Variants in MIA2 observed in about 807,000 individuals in gnomAD.
The protein encoded by MIA2 is melanoma inhibitory activity protein 2.
Under a neutral mutation model 167.8 loss-of-function variants are expected in MIA2, and 127 were observed. The ratio of observed to expected loss-of-function variants is 0.76; its 90% CI spans 0.66 to 0.88. MIA2 has a LOEUF of 0.88. MIA2 is among the 40% of genes least tolerant of loss of function. The probability of loss-of-function intolerance (pLI) is 0.00; values close to 1 mark genes in which losing one functional copy is unlikely to be tolerated. For missense variants in MIA2, 1,690 were observed against 1,624.7 expected, an observed-to-expected ratio of 1.04 and a Z score of -0.69; for synonymous variants, 552 against 541.9, an observed-to-expected ratio of 1.02 and a Z score of -0.26.
intron 14 of MIA2, among the ~76,000 whole-genome samples, chr14:39,300,553 C>T (rs576411085): frequency 1.0e-3 from 157 of 150,808 alleles, no homozygotes; most frequent in African/African-American, 3.6e-3. Flanking sequence ...CTATAATTTA[C>T]ACAGTGATGT....
intron 3 of MIA2, among the ~76,000 whole-genome samples, chr14:39,243,444 G>C (rs775610387): frequency 4.6e-5 from 7 of 152,168 alleles, no homozygotes; most frequent in Non-Finnish European, 1.0e-4. Context: ...CAGTTTCCCT[G>C]GAGGATTCAA....
intron 24 of MIA2, among the ~76,000 whole-genome samples, chr14:39,323,171 T>A (rs1401277993): frequency 6.6e-6 from 1 of 152,186 alleles, no homozygotes; most frequent in East Asian, 1.9e-4. Context: ...CCTTTGCCCA[T>A]ATCCTGTTTG....
In MIA2 at chr14:39,281,598, T is replaced by C. The variant is rs114876867; in HGVS notation, c.2130+2061T>C. The stretch of plus-strand genomic sequence containing the variant: ...TCCATTTACACATTATGCTCTCTTA[T>C]TTTTGTTTTGTTTTGTTTTGGTTTT... On this transcript the variant is annotated intron_variant, in intron 9 of 28. Coordinates refer to ENST00000640607, the MANE Select transcript of MIA2 (RefSeq NM_001329214.4). 6.0e-3 allele frequency among the ~76,000 whole-genome samples: 908 copies of C among 151,306 alleles called. 10 individuals carry two copies. Among genetic ancestry groups the C allele is most frequent in the African/African-American group, 0.021 (868 of 41,008 alleles).
At chr14:39,317,393 G>A (rs538384846) in intron 21 of MIA2, among the ~76,000 whole-genome samples, 1 of 152,222 alleles carries the variant, frequency 6.6e-6, no homozygotes, top group South Asian at 2.1e-4. Flanking sequence ...TGGTAACAGA[G>A]TTTAACTTGT....
chr14:39,345,035 CAGAG>C lies in MIA2; in HGVS notation c.3656-864_3656-861del, dbSNP rs201140823. Among the ~76,000 whole-genome samples, 626 of 151,962 alleles carry C rather than the reference CAGAG, an allele frequency of 4.1e-3. 5 individuals carry two copies. The highest frequency in any genetic ancestry group is 0.014 in the South Asian group (69 of 4,788). On this transcript the variant is annotated intron_variant, in intron 25 of 28. Transcript: ENST00000640607. ...CAGCAGTGGTACTCATCTGTTGAGT[CAGAG>C]AGAGCTTTCCATTTAGTTTGTTTTT...
At chr14:39,259,053 G>A (rs1188774026) in intron 6 of MIA2, among the ~76,000 whole-genome samples, 3 of 152,224 alleles carry the variant, frequency 2.0e-5, no homozygotes, top group Non-Finnish European at 4.4e-5. Context: ...AGGAGGCGCG[G>A]GGGTCAGGAA....
chr14:39,252,291 T>C (rs2054615537), intron 4 of MIA2, among the ~76,000 whole-genome samples: 1 of 152,104 alleles, frequency 6.6e-6, no homozygotes, highest in South Asian at 2.1e-4. Context: ...CTAATATAAT[T>C]ACAAGGCTAC....
Position 39,233,922 on chromosome 14 carries a change from GAC to G in MIA2, c.-191_-190del, listed in dbSNP as rs2053622516. ...TACCTGACACTGCAGATTGAAAACA[GAC>G]AGTGTTTGTCTCTCAAGTTAAACCA... On this transcript the variant is annotated 5_prime_UTR_variant, in exon 1 of 29. Coordinates refer to ENST00000640607, the MANE Select transcript of MIA2 (RefSeq NM_001329214.4). The G allele has an allele frequency of 4.4e-6, 2 of 458,976 alleles. No homozygotes were observed. Among genetic ancestry groups the G allele is most frequent in the African/African-American group, 4.0e-5 (2 of 49,394 alleles). The allele number at this position is 458,976 out of a possible 1,614,324, so 28.4% of individuals were successfully genotyped here.
At chr14:39,364,836 T>A (rs2074781846) in intron 23 of MIA2, among the ~76,000 whole-genome samples, 1 of 142,820 alleles carries the variant, frequency 7.0e-6, no homozygotes, top group South Asian at 2.2e-4. Context: ...TGATGGGGAT[T>A]CCCTTTTATG....
intron 3 of MIA2, 100 bp downstream of exon 3, chr14:39,240,747 T>C: frequency 1.4e-6 from 1 of 705,046 alleles, no homozygotes; most frequent in Non-Finnish European, 2.4e-6. Flanking sequence ...CCTTTTATAG[T>C]AAATGCATAA....
At position 39,247,577 on chromosome 14, in the gene MIA2, A is replaced by T. The variant is rs764020286; in HGVS notation, c.1003A>T (p.Asn335Tyr). ...GCTTGAATTAATAGCTGAAGAAAGC[A>T]ATCCACCACTACAAGATTTTCCCAA... ...TGLELIAEES[N>Y]PPLQDFPNSI... is the part of the protein sequence containing the mutation. Residue 335 changes from asparagine (N) to tyrosine (Y), a missense_variant, in exon 4 of 29, where the codon AAT becomes TAT. Physicochemically the swap from Asn to Tyr is moderately radical, Grantham distance 143 (BLOSUM62 -2). Coordinates refer to ENST00000640607, the MANE Select transcript of MIA2 (RefSeq NM_001329214.4). The T allele has an allele frequency of 6.2e-7, 1 of 1,614,110 alleles. No homozygotes were observed. Among genetic ancestry groups the T allele is most frequent in the South Asian group, 1.1e-5 (1 of 91,078 alleles).
chr14:39,353,692 G>A (rs898558764), downstream of MIA2, among the ~76,000 whole-genome samples: 4 of 151,934 alleles, frequency 2.6e-5, no homozygotes, highest in Non-Finnish European at 5.9e-5. Flanking sequence ...TTTACATTAA[G>A]TGTATCTCCT....
intron 25 of MIA2, among the ~76,000 whole-genome samples, chr14:39,329,209 T>A (rs1223734977): frequency 6.6e-6 from 1 of 152,198 alleles, no homozygotes; most frequent in African/African-American, 2.4e-5. Context: ...TTCCTAGATA[T>A]TTTATTCTCT....
At chr14:39,277,680 A>C in intron 7 of MIA2, among the ~76,000 whole-genome samples, 1 of 14,396 alleles carries the variant, frequency 6.9e-5, no homozygotes, top group Non-Finnish European at 1.3e-4. Flanking sequence ...TTTTATATAT[A>C]TATATATGTG....
chr14:39,243,797 C>A (rs999144015), intron 3 of MIA2, among the ~76,000 whole-genome samples: 4 of 152,150 alleles, frequency 2.6e-5, no homozygotes, highest in Non-Finnish European at 5.9e-5. Context: ...ACCCGGGAGG[C>A]AGAGGTTGCA....
intron 25 of MIA2, among the ~76,000 whole-genome samples, chr14:39,339,654 G>C (rs1424708915): frequency 6.6e-6 from 1 of 152,116 alleles, no homozygotes; most frequent in East Asian, 1.9e-4. Flanking sequence ...TACTGAAACA[G>C]ATCTTTTTCT....
At chr14:39,384,142 T>C (rs1423895509) in intron 23 of MIA2, among the ~76,000 whole-genome samples, 1 of 152,206 alleles carries the variant, frequency 6.6e-6, no homozygotes, top group Admixed American at 6.5e-5. Context: ...AAGGGCAGAC[T>C]GACTCTCTTG....
chr14:39,286,590 C>A (rs946988652), intron 9 of MIA2, among the ~76,000 whole-genome samples: 1 of 151,986 alleles, frequency 6.6e-6, no homozygotes, highest in African/African-American at 2.4e-5. Flanking sequence ...TTGATGACAT[C>A]TTTTGGGTTT....
At chr14:39,282,572 A>G (rs1363696288) in intron 9 of MIA2, among the ~76,000 whole-genome samples, 3 of 151,922 alleles carry the variant, frequency 2.0e-5, no homozygotes, top group African/African-American at 7.3e-5. Context: ...TTCATCCCAT[A>G]TATTTTCTTT....
Sources: gnomAD v4.1 joint callset for allele counts (sites outside exome capture counted in the v4.1 genomes callset) on GRCh38, gnomAD v4.1.1 for gene constraint, MANE v1.5 for transcripts, NCBI Gene and HGNC (gene_info 2026-07-23, HGNC 2026-07-21) for gene names.